Variants in LMNB2 observed in about 807,000 individuals in gnomAD.
The protein encoded by LMNB2 is lamin B2, also known as lamin-B2.
Under a neutral mutation model 69.3 loss-of-function variants are expected in LMNB2, and 17 were observed. That is an observed-to-expected ratio of 0.25 (90% CI 0.17 to 0.37). The LOEUF (loss-of-function observed/expected upper bound fraction) is 0.37, where lower values mean the gene tolerates loss of function less well. Among genes scored for constraint, LMNB2 ranks in the 10% least tolerant of loss-of-function variants. The probability of loss-of-function intolerance (pLI) is 1.00; values close to 1 mark genes in which losing one functional copy is unlikely to be tolerated. For synonymous variants in LMNB2, 397 were observed against 389.3 expected (o/e 1.02, Z -0.23); for missense variants, 789 against 883.6 (o/e 0.89, Z 1.36).
chr19:2,430,976 T>A, intron 11 of LMNB2, 24 bp from the exon 12 acceptor site: 20 of 1,519,982 alleles, frequency 1.3e-5, no homozygotes, highest in Non-Finnish European at 1.6e-5. Context: ...GGAAGGAAGG[T>A]CGGCCATGAT....
In LMNB2 at chr19:2,443,746, T is replaced by A. The variant is rs1291194790; in HGVS notation, c.401+658A>T. On this transcript the variant is annotated intron_variant, in intron 2 of 11. Transcript: ENST00000325327. The surrounding 1 kb of genome is among the most constrained non-coding windows in gnomAD (Gnocchi z 6.2). Reference sequence around the variant, plus strand: ...CTCAGTGTTTCATTGGCCTCCTGGCTCCTCTGAATAAATATTCCTTTTGTC... The same window carrying A: ...CTCAGTGTTTCATTGGCCTCCTGGCACCTCTGAATAAATATTCCTTTTGTC... 6.6e-6 allele frequency among the ~76,000 whole-genome samples: 1 copy of A among 152,178 alleles called. No homozygotes were observed. The highest frequency in any genetic ancestry group is 1.5e-5 in the Non-Finnish European group (1 of 68,020).
At chr19:2,450,548 C>G (rs1296607386) in intron 1 of LMNB2, among the ~76,000 whole-genome samples, 3 of 151,862 alleles carry the variant, frequency 2.0e-5, no homozygotes, top group Admixed American at 2.0e-4. Flanking sequence ...GAGGCTGAGG[C>G]GGGCAGATCA....
chr19:2,450,121 C>CATATACATATACATAT (rs1972004089), intron 1 of LMNB2, among the ~76,000 whole-genome samples: 28 of 142,424 alleles, frequency 2.0e-4, no homozygotes, highest in African/African-American at 7.1e-4. Flanking sequence ...TATATATACA[C>CATATACATATACATAT]ATATATATAT....
rs35520147 is a variant in LMNB2, at chr19:2,428,238, GAAAA to G, written c.*2669_*2672del. 1 of 149,096 alleles carries G rather than the reference GAAAA, an allele frequency of 6.7e-6. No individual in the cohort carries two copies. Among genetic ancestry groups the G allele is most frequent in the Non-Finnish European group, 1.5e-5 (1 of 67,094 alleles). The allele number at this position is 149,096 out of a possible 1,614,324, so 9.2% of individuals were successfully genotyped here. A position where few individuals can be genotyped will look rare whatever the true frequency, so the allele number is the denominator to read the frequency against. ...ATAAAATGTATATTACAAATCATTG[GAAAA>G]AAAAAAGAACACATTAGGCATGCAT... On this transcript the variant is annotated 3_prime_UTR_variant, in exon 12 of 12. Transcript: ENST00000325327.
At chr19:2,446,561 G>T (rs1971958458) in intron 1 of LMNB2, among the ~76,000 whole-genome samples, 1 of 152,202 alleles carries the variant, frequency 6.6e-6, no homozygotes. Context: ...TCCTCCCACA[G>T]GGCCATGCAC....
chr19:2,430,045 C>T lies in LMNB2; in HGVS notation c.*866G>A, dbSNP rs1971717072. The T allele has an allele frequency of 6.5e-6, 1 of 152,834 alleles. No homozygotes were observed. Among genetic ancestry groups the T allele is most frequent in the Non-Finnish European group, 1.5e-5 (1 of 68,562 alleles). The allele number at this position is 152,834 out of a possible 1,614,324, so 9.5% of individuals were successfully genotyped here. A position where few individuals can be genotyped will look rare whatever the true frequency, so the allele number is the denominator to read the frequency against. On this transcript the variant is annotated 3_prime_UTR_variant, in exon 12 of 12. Coordinates refer to ENST00000325327, the MANE Select transcript of LMNB2 (RefSeq NM_032737.4). ...CACGGGAGGGGCTCCACAGCGCTCT[C>T]CTCCAGAGGGTCAACATGGTGGCGT...
chr19:2,432,507 T>C lies in LMNB2; in HGVS notation c.1499A>G (p.Asn500Ser), dbSNP rs1356867869. 1.2e-6 allele frequency: 2 copies of C among 1,613,372 alleles called. No individual in the cohort carries two copies. Among genetic ancestry groups the C allele is most frequent in the Non-Finnish European group, 8.5e-7 (1 of 1,179,608 alleles). Residue 500 changes from asparagine to serine, a missense_variant, in exon 9 of 12, where the codon AAC becomes AGC. By Grantham distance (46) the Asn-to-Ser change is conservative (BLOSUM62 1). Around this residue, in one of 3 missense-constraint regions of LMNB2, gnomAD observed 609 missense variants for 630.9 expected, o/e 0.97. Transcript: ENST00000325327. Reference protein sequence around the residue: ...NNSDKDQSLGNWRIKRQVLEG... With the variant: ...NNSDKDQSLGSWRIKRQVLEG... ...CAAGACCTGCCTCTTGATTCTCCAG[T>C]TCCCCAGAGACTGATCCTGGAAGAC...
Position 2,443,344 on chromosome 19 carries a change from G to A in LMNB2, c.401+1060C>T, listed in dbSNP as rs776725571. 5.3e-5 allele frequency among the ~76,000 whole-genome samples: 8 copies of A among 152,224 alleles called. No homozygotes were observed. The highest frequency in any genetic ancestry group is 3.3e-4 in the Admixed American group (5 of 15,288). On this transcript the variant is annotated intron_variant, in intron 2 of 11. Coordinates refer to ENST00000325327, the MANE Select transcript of LMNB2 (RefSeq NM_032737.4). The surrounding 1 kb of genome is among the most constrained non-coding windows in gnomAD (Gnocchi z 6.2). ...GCGCCAGCCCAGGAAGGAGGAGGGC[G>A]TCGGATGGAGAGGTCACCTGCAACC...
At chr19:2,455,992 C>G (rs1176057129) in intron 1 of LMNB2, among the ~76,000 whole-genome samples, 3 of 151,490 alleles carry the variant, frequency 2.0e-5, no homozygotes, top group Non-Finnish European at 4.4e-5. Flanking sequence ...CCCAGGGTCC[C>G]CGCGATCGCG....
At chr19:2,442,008 C>T (rs939688430) in intron 2 of LMNB2, among the ~76,000 whole-genome samples, 1 of 152,202 alleles carries the variant, frequency 6.6e-6, no homozygotes, top group African/African-American at 2.4e-5. Flanking sequence ...GTGCGGGCTC[C>T]CAGGGCTCAG....
At position 2,453,020 on chromosome 19, in the gene LMNB2, ATCCTCG is replaced by A. The variant is rs1972045439; in HGVS notation, c.264+3644_264+3649del. ...GGGTCATCCTAATGGGGGCTGGGTC[ATCCTCG>A]TGGGGGCTGGGTCATCCTCGTGGGG... On this transcript the variant is annotated intron_variant, in intron 1 of 11. Coordinates refer to ENST00000325327, the MANE Select transcript of LMNB2 (RefSeq NM_032737.4). This position sits in a 1 kb window ranked among gnomAD's most constrained non-coding sequence, Gnocchi z 4.4. Among the ~76,000 whole-genome samples, 5 of 69,926 alleles carry A rather than the reference ATCCTCG, an allele frequency of 7.2e-5. No individual in the cohort carries two copies. Among genetic ancestry groups the A allele is most frequent in the Non-Finnish European group, 1.1e-4 (4 of 36,132 alleles). The allele number at this position is 69,926 out of a possible 152,430, so 45.9% of individuals were successfully genotyped here.
intron 1 of LMNB2, among the ~76,000 whole-genome samples, chr19:2,446,396 G>C (rs1353754040): frequency 1.3e-5 from 2 of 151,960 alleles, no homozygotes; most frequent in Non-Finnish European, 2.9e-5. Flanking sequence ...CCCTCTCGAG[G>C]GCCTCCAGGT....
intron 1 of LMNB2, among the ~76,000 whole-genome samples, chr19:2,450,121 C>CATATATAT (rs944605865): frequency 6.3e-5 from 9 of 142,366 alleles, no homozygotes; most frequent in African/African-American, 2.4e-4. Flanking sequence ...TATATATACA[C>CATATATAT]ATATATATAT....
intron 1 of LMNB2, among the ~76,000 whole-genome samples, chr19:2,452,134 A>C (rs1210128961): frequency 6.7e-6 from 1 of 148,758 alleles, no homozygotes; most frequent in Non-Finnish European, 1.5e-5. Flanking sequence ...ACCCTTTCCC[A>C]AGCCCTCCAA....
chr19:2,432,028 A>C, intron 9 of LMNB2, 126 bp from the exon 10 acceptor site: 1 of 1,227,276 alleles, frequency 8.1e-7, no homozygotes, highest in Middle Eastern at 2.7e-4. Context: ...AGCCCGACGC[A>C]GGCTTATCCA....
chr19:2,438,336 T>C (rs576263697), intron 3 of LMNB2, 39 bp downstream of exon 3: 3 of 1,613,574 alleles, frequency 1.9e-6, no homozygotes, highest in East Asian at 4.5e-5. Flanking sequence ...GTCTGTTGCA[T>C]ATACCCTGCT....
intron 8 of LMNB2, among the ~76,000 whole-genome samples, chr19:2,433,118 G>A (rs12986170): frequency 1.9e-4 from 21 of 113,216 alleles, no homozygotes; most frequent in South Asian, 9.3e-4. Flanking sequence ...ATTGGCCGGC[G>A]GCCCCGTCAC....
At chr19:2,439,577 G>C (rs571785497) in intron 2 of LMNB2, among the ~76,000 whole-genome samples, 1 of 152,140 alleles carries the variant, frequency 6.6e-6, no homozygotes, top group Non-Finnish European at 1.5e-5. Context: ...ATCACCCCAG[G>C]ATGGGGACAA....
At chr19:2,446,677 G>A (rs909992142) in intron 1 of LMNB2, among the ~76,000 whole-genome samples, 3 of 152,220 alleles carry the variant, frequency 2.0e-5, no homozygotes, top group African/African-American at 4.8e-5. Flanking sequence ...GGGCGAGTAC[G>A]CAGAGAAATC....
Sources: gnomAD v4.1 joint callset for allele counts (sites outside exome capture counted in the v4.1 genomes callset) on GRCh38, gnomAD v4.1.1 for gene constraint, gnomAD v4.1.1 regional missense constraint, Gnocchi (gnomAD v3.1) non-coding constraint, MANE v1.5 for transcripts, NCBI Gene and HGNC (gene_info 2026-07-23, HGNC 2026-07-21) for gene names.